Variants in CDH10 observed in about 807,000 individuals in gnomAD.
CDH10 encodes the protein cadherin-10.
A neutral mutation model predicts 73.1 loss-of-function variants in CDH10; 30 were observed. The observed-to-expected ratio is 0.41, with a 90% CI of 0.31 to 0.56. The LOEUF is 0.56. Ranked by LOEUF, CDH10 falls within the 20% of genes least tolerant of loss-of-function variation. CDH10 has a pLI of 0.27. For synonymous variants in CDH10, 345 were observed against 348.2 expected (o/e 0.99, Z 0.10); for missense variants, 815 against 973.7 (o/e 0.84, Z 2.17).
In CDH10 at chr5:24,639,993, A is replaced by C. The variant is rs186568317; in HGVS notation, c.-124+4601T>G. Among the ~76,000 whole-genome samples, 52 of 151,974 alleles carry C rather than the reference A, an allele frequency of 3.4e-4. 2 individuals are homozygous for C. In the East Asian group the frequency reaches 6.8e-3, roughly 20 times the overall value. ...CCAATTTCAACTCCTTAGAAGCCTC[A>C]GTGTTATAAAATTTATAAAAGAGTT... On this transcript the variant is annotated intron_variant, in intron 1 of 11. Transcript: ENST00000264463.
intron 2 of CDH10, among the ~76,000 whole-genome samples, chr5:24,584,445 C>CTTTTTTTTTTTTTTTT (rs34192671): frequency 3.6e-5 from 1 of 28,086 alleles, no homozygotes; most frequent in Non-Finnish European, 8.0e-5. Context: ...CTTTCTTTTC[C>CTTTTTTTTTTTTTTTT]TTTTTTTTTT....
At chr5:24,595,561 T>C (rs1746343682) in intron 1 of CDH10, among the ~76,000 whole-genome samples, 1 of 151,920 alleles carries the variant, frequency 6.6e-6, no homozygotes, top group African/African-American at 2.4e-5. Context: ...TCAAATTGAT[T>C]GGATTCTAAG....
At chr5:24,521,299 C>T (rs1025882354) in intron 5 of CDH10, among the ~76,000 whole-genome samples, 4 of 152,118 alleles carry the variant, frequency 2.6e-5, no homozygotes, top group African/African-American at 4.8e-5. Flanking sequence ...AATCCCAGCA[C>T]TCTGAGAGGC....
At chr5:24,620,423 G>A (rs769684106) in intron 1 of CDH10, among the ~76,000 whole-genome samples, 10 of 152,036 alleles carry the variant, frequency 6.6e-5, no homozygotes, top group Non-Finnish European at 1.0e-4. Flanking sequence ...AAATGAATCA[G>A]CCTTAATGAT....
At chr5:24,622,260 G>GA (rs1747343331) in intron 1 of CDH10, among the ~76,000 whole-genome samples, 3 of 149,782 alleles carry the variant, frequency 2.0e-5, no homozygotes, top group Non-Finnish European at 4.5e-5. Flanking sequence ...ATGTGCGAAT[G>GA]TTGACAAAAT....
In CDH10 at chr5:24,534,185, T is replaced by G. The variant is rs1012584851; in HGVS notation, c.814+927A>C. 2.6e-5 allele frequency among the ~76,000 whole-genome samples: 4 copies of G among 152,246 alleles called. 1 individual carries two copies. The South Asian group carries it at 8.3e-4, about 32-fold the overall frequency. ...AAAAAAAGCTACTGCCTTTAAATTT[T>G]AATACTTTATCACAAGGTATTTAAA... is the stretch of plus-strand genomic sequence containing the variant. On this transcript the variant is annotated intron_variant, in intron 5 of 11. Transcript: ENST00000264463.
chr5:24,575,387 A>AAAAACATATAT, intron 2 of CDH10, among the ~76,000 whole-genome samples: 1 of 151,562 alleles, frequency 6.6e-6, no homozygotes. Context: ...AAAAAAAGAA[A>AAAAACATATAT]AGTCTCCTGC....
Position 24,576,094 on chromosome 5 carries a change from T to C in CDH10, c.231+17166A>G, listed in dbSNP as rs534252061. ...ACATTTTTATGTATTTTTATAACTTTAATTATTTTAGGGCATTTATTTTTC... is the reference window on the plus strand; with the variant it reads ...ACATTTTTATGTATTTTTATAACTTCAATTATTTTAGGGCATTTATTTTTC... On this transcript the variant is annotated intron_variant, in intron 2 of 11. Transcript: ENST00000264463. 7.4e-4 allele frequency among the ~76,000 whole-genome samples: 112 copies of C among 152,296 alleles called. 1 individual carries two copies. The Middle Eastern group carries it at 0.014, about 19-fold the overall frequency.
rs71698746 is a variant in CDH10 at position 24,628,845 on chromosome 5, GAC to G, written c.-124+15747_-124+15748del. On this transcript the variant is annotated intron_variant, in intron 1 of 11. Transcript: ENST00000264463. ...CCCCCCCCACCCCGCTCCCCACCTT[GAC>G]ACACACACACACACACACACACACA... Among the ~76,000 whole-genome samples, 1,040 of 127,226 alleles carry G rather than the reference GAC, an allele frequency of 8.2e-3. 7 individuals carry two copies. The highest frequency in any genetic ancestry group is 0.02 in the African/African-American group (645 of 31,838). 83.5% of individuals were successfully genotyped at this position (127,226 alleles called of 152,430 possible). A position where few individuals can be genotyped will look rare whatever the true frequency, so the allele number is the denominator to read the frequency against.
intron 1 of CDH10, among the ~76,000 whole-genome samples, chr5:24,623,127 A>G (rs1334490226): frequency 1.3e-5 from 2 of 152,148 alleles, no homozygotes; most frequent in Non-Finnish European, 2.9e-5. Flanking sequence ...AGAAGATATG[A>G]CTGGGAACTA....
chr5:24,624,748 G>C (rs1747434540), intron 1 of CDH10, among the ~76,000 whole-genome samples: 1 of 152,120 alleles, frequency 6.6e-6, no homozygotes, highest in Admixed American at 6.6e-5. Flanking sequence ...GGTGAAAAAG[G>C]CAAGTCTGGA....
At chr5:24,573,173 G>C (rs994507814) in intron 2 of CDH10, among the ~76,000 whole-genome samples, 8 of 151,606 alleles carry the variant, frequency 5.3e-5, no homozygotes, top group Non-Finnish European at 1.2e-4. Flanking sequence ...TATATAAATA[G>C]AGCTCGGGAA....
intron 5 of CDH10, among the ~76,000 whole-genome samples, chr5:24,514,631 T>C (rs530542751): frequency 6.6e-6 from 1 of 152,140 alleles, no homozygotes; most frequent in African/African-American, 2.4e-5. Flanking sequence ...AATACAAAAA[T>C]GATATCACTG....
rs1017625752 is a variant in CDH10, at chr5:24,642,798, T to C, written c.-124+1796A>G. Among the ~76,000 whole-genome samples, 29 of 152,122 alleles carry C rather than the reference T, an allele frequency of 1.9e-4. 1 individual carries two copies. The highest frequency in any genetic ancestry group is 1.2e-4 in the Non-Finnish European group (8 of 68,018). ...TTCCCATTTCCCAGAGATTTTGGTT[T>C]TGTTTGTTGTTTTTTTTCCCCCAAA... is the stretch of plus-strand genomic sequence containing the variant. On this transcript the variant is annotated intron_variant, in intron 1 of 11. Coordinates refer to ENST00000264463, the MANE Select transcript of CDH10 (RefSeq NM_006727.5).
chr5:24,510,393 AC>A (rs1742859636), intron 6 of CDH10, among the ~76,000 whole-genome samples: 1 of 152,242 alleles, frequency 6.6e-6, no homozygotes, highest in Admixed American at 6.5e-5. Flanking sequence ...ACATGTTGAA[AC>A]AAAATACCTT....
At chr5:24,576,227 T>C (rs1745594281) in intron 2 of CDH10, among the ~76,000 whole-genome samples, 1 of 152,148 alleles carries the variant, frequency 6.6e-6, no homozygotes, top group South Asian at 2.1e-4. Context: ...CTAGTGACAA[T>C]AGCAATTAAG....
chr5:24,553,491 T>C (rs574767277), intron 2 of CDH10, among the ~76,000 whole-genome samples: 12 of 152,124 alleles, frequency 7.9e-5, no homozygotes, highest in Non-Finnish European at 1.6e-4. Flanking sequence ...ACTCCTACTT[T>C]CCATCTCTTT....
chr5:24,635,564 T>C lies in CDH10; in HGVS notation c.-124+9030A>G, dbSNP rs567436732. Among the ~76,000 whole-genome samples, 479 of 151,112 alleles carry C rather than the reference T, an allele frequency of 3.2e-3. 2 individuals are homozygous for C. Among genetic ancestry groups the C allele is most frequent in the Non-Finnish European group, 4.8e-3 (323 of 67,608 alleles). On this transcript the variant is annotated intron_variant, in intron 1 of 11. Transcript: ENST00000264463. ...CATTCAAGTCTTTATGCAACTGACA[T>C]TTTCACTCTTTCTTATGCATTTTTC...
intron 3 of CDH10, among the ~76,000 whole-genome samples, chr5:24,536,032 C>T (rs992141591): frequency 6.6e-6 from 1 of 151,970 alleles, no homozygotes; most frequent in Non-Finnish European, 1.5e-5. Context: ...GTCAACATGT[C>T]TATTTTTATG....
Sources: allele counts gnomAD v4.1 joint callset (sites outside exome capture counted in the v4.1 genomes callset), GRCh38; gene constraint gnomAD v4.1.1; transcripts MANE v1.5; gene names NCBI Gene and HGNC (gene_info 2026-07-23, HGNC 2026-07-21).